PRKCE: variants seen among roughly 807,000 people sequenced by gnomAD.
PRKCE encodes the protein protein kinase C epsilon type.
Under a neutral mutation model 85.4 loss-of-function variants are expected in PRKCE, and 16 were observed. That is an observed-to-expected ratio of 0.19 (90% CI 0.13 to 0.28). The LOEUF (loss-of-function observed/expected upper bound fraction) is 0.28. Ranked by LOEUF, PRKCE falls within the 10% of genes least tolerant of loss-of-function variation. The pLI, the probability that PRKCE is intolerant of heterozygous loss-of-function variation, is 1.00. For missense variants in PRKCE, 573 were observed against 975.2 expected, an observed-to-expected ratio of 0.59 and a Z score of 5.49; for synonymous variants, 388 against 371.5, an observed-to-expected ratio of 1.04 and a Z score of -0.51.
At chr2:45,752,405 C>G (rs746810575) in intron 1 of PRKCE, among the ~76,000 whole-genome samples, 54 of 152,156 alleles carry the variant, frequency 3.5e-4, no homozygotes, top group Non-Finnish European at 6.9e-4. Flanking sequence ...TGCTTGCCTT[C>G]CTCCCTCCTA....
rs533235035 is a variant in PRKCE, at chr2:46,062,174, T to G, written c.1438-24034T>G. On this transcript the variant is annotated intron_variant, in intron 10 of 14. Coordinates refer to ENST00000306156, the MANE Select transcript of PRKCE (RefSeq NM_005400.3). ...ACCACACCCAGCCTCATGCATACAT[T>G]AAGTATTTCTTGCCCTCCTGCTGGA... Among the ~76,000 whole-genome samples, 4 of 152,266 alleles carry G rather than the reference T, an allele frequency of 2.6e-5. No individual in the cohort carries two copies. In the South Asian group the frequency reaches 8.3e-4, roughly 32 times the overall value.
chr2:45,709,495 G>T (rs1334265219), intron 1 of PRKCE, among the ~76,000 whole-genome samples: 1 of 152,240 alleles, frequency 6.6e-6, no homozygotes, highest in Non-Finnish European at 1.5e-5. Flanking sequence ...GATGATCATG[G>T]ATGTCTATGA....
chr2:45,869,055 A>G (rs1693865294), intron 2 of PRKCE, among the ~76,000 whole-genome samples: 1 of 152,142 alleles, frequency 6.6e-6, no homozygotes, highest in South Asian at 2.1e-4. Flanking sequence ...TCAGGCAAAG[A>G]AAAAAAGTTC....
intron 1 of PRKCE, among the ~76,000 whole-genome samples, chr2:45,764,836 A>T (rs1464855149): frequency 6.6e-6 from 1 of 152,228 alleles, no homozygotes; most frequent in African/African-American, 2.4e-5. Flanking sequence ...ACCCATTAAA[A>T]TCAACATATA....
rs576244181 is a variant in PRKCE at position 45,917,666 on chromosome 2, G to A, written c.413-58763G>A. Among the ~76,000 whole-genome samples the A allele has an allele frequency of 2.2e-3, 329 of 152,366 alleles. 2 individuals are homozygous for A. Among genetic ancestry groups the A allele is most frequent in the African/African-American group, 7.6e-3 (315 of 41,590 alleles). On this transcript the variant is annotated intron_variant, in intron 2 of 14. Transcript: ENST00000306156. ...GCTGCCTGCCAGTCCCGTGCCATGC[G>A]CCCGCACTCCTCAGCCCTTGGGTGG...
intron 2 of PRKCE, among the ~76,000 whole-genome samples, chr2:45,974,567 G>A (rs186886426): frequency 1.1e-4 from 16 of 152,310 alleles, no homozygotes; most frequent in African/African-American, 1.4e-4. Context: ...AGGCTGCTGC[G>A]TCCTTGGAAG....
At chr2:46,027,339 A>G (rs1488095213) in intron 10 of PRKCE, among the ~76,000 whole-genome samples, 1 of 152,098 alleles carries the variant, frequency 6.6e-6, no homozygotes, top group Admixed American at 6.5e-5. Flanking sequence ...CTATCTCAAA[A>G]AAGAAAGAAA....
chr2:45,839,399 A>C (rs189023936), intron 1 of PRKCE, among the ~76,000 whole-genome samples: 12 of 152,318 alleles, frequency 7.9e-5, no homozygotes, highest in Non-Finnish European at 4.4e-5. Flanking sequence ...AAAGAGAATC[A>C]TAGTCAAAGA....
intron 10 of PRKCE, among the ~76,000 whole-genome samples, chr2:46,038,651 TCACACACACACACACACACACACA>T (rs3222422): frequency 8.0e-4 from 103 of 128,728 alleles, no homozygotes; most frequent in African/African-American, 2.7e-3. Flanking sequence ...AGTAACAACT[TCACACACACACACACACACACACA>T]CACACACACA....
At chr2:46,067,104 C>T (rs1232097620) in intron 10 of PRKCE, among the ~76,000 whole-genome samples, 2 of 152,104 alleles carry the variant, frequency 1.3e-5, no homozygotes, top group African/African-American at 2.4e-5. Context: ...TACTGCTGTG[C>T]CAAAAATTTC....
At position 46,135,746 on chromosome 2, in the gene PRKCE, C is replaced by CTTTTTTTTTTTTTTTTTTTTT. The variant is rs11417233; in HGVS notation, c.1593-9340_1593-9320dup. On this transcript the variant is annotated intron_variant, in intron 11 of 14. Coordinates refer to ENST00000306156, the MANE Select transcript of PRKCE (RefSeq NM_005400.3). Reference sequence around the variant, plus strand: ...ACCTTGGGTTCAGAAACAAATTATGCTTTTTTTTTTTTTTTTTTTTTTTTT... The same window carrying CTTTTTTTTTTTTTTTTTTTTT: ...ACCTTGGGTTCAGAAACAAATTATGCTTTTTTTTTTTTTTTTTTTTTTTTTTTTTTTTTTTTTTTTTTTTTT... Among the ~76,000 whole-genome samples the CTTTTTTTTTTTTTTTTTTTTT allele has an allele frequency of 1.5e-4, 3 of 20,658 alleles. 1 individual carries two copies. Among genetic ancestry groups the CTTTTTTTTTTTTTTTTTTTTT allele is most frequent in the African/African-American group, 2.6e-4 (1 of 3,862 alleles). The allele number at this position is 20,658 out of a possible 152,430, so 13.6% of individuals were successfully genotyped here. A position where few individuals can be genotyped will look rare whatever the true frequency, so the allele number is the denominator to read the frequency against.
intron 10 of PRKCE, among the ~76,000 whole-genome samples, chr2:46,024,149 G>A (rs934701537): frequency 1.1e-4 from 17 of 152,148 alleles, no homozygotes; most frequent in Admixed American, 2.6e-4. Flanking sequence ...AAATAAAATG[G>A]CAATTGGTTG....
At chr2:46,141,882 A>G (rs950996186) in intron 11 of PRKCE, among the ~76,000 whole-genome samples, 23 of 152,034 alleles carry the variant, frequency 1.5e-4, no homozygotes, top group Non-Finnish European at 2.8e-4. Flanking sequence ...CACCATGGGA[A>G]CTCTCAGGAG....
At chr2:46,118,056 AG>A (rs889192870) in intron 11 of PRKCE, among the ~76,000 whole-genome samples, 20 of 152,296 alleles carry the variant, frequency 1.3e-4, no homozygotes, top group Non-Finnish European at 2.4e-4. Context: ...ACATAAAACA[AG>A]GGGATTAATG....
intron 2 of PRKCE, among the ~76,000 whole-genome samples, chr2:45,906,692 G>T (rs1697002105): frequency 6.6e-6 from 1 of 152,188 alleles, no homozygotes; most frequent in Non-Finnish European, 1.5e-5. Flanking sequence ...CATGTGCTCT[G>T]TGTGGGAGGC....
chr2:45,874,123 C>T (rs1387854500), intron 2 of PRKCE, among the ~76,000 whole-genome samples: 1 of 152,206 alleles, frequency 6.6e-6, no homozygotes, highest in Non-Finnish European at 1.5e-5. Context: ...AACACAAGTT[C>T]TATGAAGTCA....
intron 1 of PRKCE, among the ~76,000 whole-genome samples, chr2:45,700,802 T>C (rs1268064205): frequency 3.3e-5 from 5 of 152,138 alleles, no homozygotes; most frequent in Non-Finnish European, 7.3e-5. Context: ...CCAATATGAC[T>C]GGTGTCCTTA....
At chr2:45,876,142 C>G (rs534683643) in intron 2 of PRKCE, among the ~76,000 whole-genome samples, 3 of 152,314 alleles carry the variant, frequency 2.0e-5, no homozygotes, top group Admixed American at 1.3e-4. Flanking sequence ...TACAGTGGCT[C>G]TGGTCTCCCT....
chr2:45,787,175 C>G (rs1025827256), intron 1 of PRKCE, among the ~76,000 whole-genome samples: 1 of 152,236 alleles, frequency 6.6e-6, no homozygotes, highest in African/African-American at 2.4e-5. Flanking sequence ...GCTGGGGGCG[C>G]TGAGCTTCTC....
Sources: gnomAD v4.1 joint callset for allele counts (sites outside exome capture counted in the v4.1 genomes callset) on GRCh38, gnomAD v4.1.1 for gene constraint, MANE v1.5 for transcripts, NCBI Gene and HGNC (gene_info 2026-07-23, HGNC 2026-07-21) for gene names.